BBS9: variants seen among roughly 807,000 people sequenced by gnomAD.
The protein encoded by BBS9 is Bardet-Biedl syndrome 9.
A neutral mutation model predicts 117.7 loss-of-function variants in BBS9; 89 were observed. The ratio of observed to expected loss-of-function variants is 0.76; its 90% CI spans 0.64 to 0.90. BBS9 has a LOEUF of 0.90. Among genes scored for constraint, BBS9 ranks in the 40% least tolerant of loss-of-function variants. The probability of loss-of-function intolerance (pLI) is 0.00; values close to 1 mark genes in which losing one functional copy is unlikely to be tolerated. For synonymous variants in BBS9, 379 were observed against 370.9 expected (o/e 1.02, Z -0.25); for missense variants, 982 against 1,042.2 (o/e 0.94, Z 0.80).
downstream of BBS9, among the ~76,000 whole-genome samples, chr7:33,609,667 T>C (rs1864762483): frequency 6.6e-6 from 1 of 152,244 alleles, no homozygotes; most frequent in Admixed American, 6.5e-5. Context: ...ACGTCAGATT[T>C]CATATGTTTC....
At chr7:33,454,637 G>T (rs751948065) in intron 19 of BBS9, among the ~76,000 whole-genome samples, 3 of 152,150 alleles carry the variant, frequency 2.0e-5, no homozygotes, top group Non-Finnish European at 4.4e-5. Context: ...GATTCATTTC[G>T]AGACCTGGGG....
intron 9 of BBS9, among the ~76,000 whole-genome samples, chr7:33,287,566 G>A (rs1416042681): frequency 2.0e-5 from 3 of 152,154 alleles, no homozygotes; most frequent in Non-Finnish European, 2.9e-5. Flanking sequence ...AACAGAACCT[G>A]CCAGTTAACA....
At chr7:33,322,941 A>C (rs780528000) in intron 9 of BBS9, among the ~76,000 whole-genome samples, 2 of 152,100 alleles carry the variant, frequency 1.3e-5, no homozygotes, top group Non-Finnish European at 2.9e-5. Flanking sequence ...CATTTCCATT[A>C]TCGTTTATTT....
chr7:33,454,562 G>C (rs1451420863), intron 19 of BBS9, among the ~76,000 whole-genome samples: 1 of 152,224 alleles, frequency 6.6e-6, no homozygotes, highest in Middle Eastern at 3.2e-3. Flanking sequence ...AGTGGCTTAG[G>C]CCAAGTTCCT....
At chr7:33,488,102 T>C (rs1843364199) in intron 19 of BBS9, among the ~76,000 whole-genome samples, 1 of 152,152 alleles carries the variant, frequency 6.6e-6, no homozygotes, top group Non-Finnish European at 1.5e-5. Flanking sequence ...AGCTTCAAGC[T>C]CTCCTCTTCT....
chr7:33,243,747 A>G (rs1794901957), intron 5 of BBS9, among the ~76,000 whole-genome samples: 1 of 152,162 alleles, frequency 6.6e-6, no homozygotes, highest in Non-Finnish European at 1.5e-5. Context: ...TTACTATCCT[A>G]TGTTAAAGTT....
At position 33,222,952 on chromosome 7, in the gene BBS9, C is replaced by CA. The variant is rs1417016025; in HGVS notation, c.443-34270dup. 6.3e-3 allele frequency among the ~76,000 whole-genome samples: 786 copies of CA among 125,468 alleles called. 5 individuals carry two copies. The highest frequency in any genetic ancestry group is 0.022 in the East Asian group (97 of 4,328). 82.3% of individuals were successfully genotyped at this position (125,468 alleles called of 152,430 possible). ...TGGGCAACAGAGCAAGACCCTGTCT[C>CA]AAAAAAAAAAAAAAGAAATTAAAAA... On this transcript the variant is annotated intron_variant, in intron 5 of 22. Coordinates refer to ENST00000242067, the MANE Select transcript of BBS9 (RefSeq NM_198428.3).
chr7:33,228,892 A>G (rs1284778795), intron 5 of BBS9, among the ~76,000 whole-genome samples: 2 of 152,122 alleles, frequency 1.3e-5, no homozygotes, highest in African/African-American at 4.8e-5. Flanking sequence ...TCCACGTATA[A>G]GGGGACCCAC....
chr7:33,401,470 G>A (rs371347131), intron 19 of BBS9, among the ~76,000 whole-genome samples: 23 of 150,080 alleles, frequency 1.5e-4, no homozygotes, highest in African/African-American at 5.1e-4. Flanking sequence ...GCTACAGCTT[G>A]GAATTATACA....
At chr7:33,203,579 T>A (rs949665333) in intron 5 of BBS9, among the ~76,000 whole-genome samples, 1 of 152,178 alleles carries the variant, frequency 6.6e-6, no homozygotes, top group African/African-American at 2.4e-5. Context: ...ATTTTTAATG[T>A]ACCCTAGATA....
At chr7:33,454,050 T>C (rs1226934699) in intron 19 of BBS9, among the ~76,000 whole-genome samples, 2 of 152,140 alleles carry the variant, frequency 1.3e-5, no homozygotes, top group Non-Finnish European at 2.9e-5. Context: ...CTATACATGT[T>C]ACTCTGGATG....
intron 19 of BBS9, among the ~76,000 whole-genome samples, chr7:33,440,935 ACTTTG>A (rs1836072460): frequency 6.6e-6 from 1 of 152,162 alleles, no homozygotes; most frequent in Non-Finnish European, 1.5e-5. Context: ...AAATGTGAGA[ACTTTG>A]AAGGGTGATA....
In BBS9 at chr7:33,273,949, T is replaced by G; in HGVS notation, c.1009T>G (p.Cys337Gly). The part of the protein sequence containing the change: ...PHIPVAVRVG[C>G]LHDLKGVIVT... Reference sequence around the variant, plus strand: ...CATTCCTGTAGCAGTAAGAGTGGGCTGTTTGCAGTAAGTGATTTAATTTAA... The same window carrying G: ...CATTCCTGTAGCAGTAAGAGTGGGCGGTTTGCAGTAAGTGATTTAATTTAA... Residue 337 changes from cysteine to glycine, a missense_variant, in exon 9 of 23, where the codon TGT becomes GGT. Coordinates refer to ENST00000242067, the MANE Select transcript of BBS9 (RefSeq NM_198428.3). The G allele has an allele frequency of 6.2e-7, 1 of 1,613,768 alleles. No homozygotes were observed. Among genetic ancestry groups the G allele is most frequent in the Non-Finnish European group, 8.5e-7 (1 of 1,179,780 alleles).
At chr7:33,574,725 A>ACG (rs144503125) in intron 21 of BBS9, among the ~76,000 whole-genome samples, 163 of 125,892 alleles carry the variant, frequency 1.3e-3, no homozygotes, top group East Asian at 3.4e-3. Flanking sequence ...ACACACACAC[A>ACG]CGCGCACACA....
At chr7:33,140,175 C>T (rs542407023) in intron 1 of BBS9, among the ~76,000 whole-genome samples, 1 of 152,232 alleles carries the variant, frequency 6.6e-6, no homozygotes, top group South Asian at 2.1e-4. Context: ...CAGGCACCCG[C>T]CACCACACCC....
intron 5 of BBS9, among the ~76,000 whole-genome samples, chr7:33,243,827 TAGA>T (rs1794910530): frequency 6.6e-6 from 1 of 152,190 alleles, no homozygotes; most frequent in Non-Finnish European, 1.5e-5. Context: ...TTTATTCAGT[TAGA>T]GGACTACACT....
At chr7:33,270,733 T>C (rs1486578247) in intron 7 of BBS9, among the ~76,000 whole-genome samples, 1 of 152,166 alleles carries the variant, frequency 6.6e-6, no homozygotes, top group East Asian at 1.9e-4. Context: ...ACTTTATGAC[T>C]CATTGGCATC....
intron 16 of BBS9, 77 bp downstream of exon 16, chr7:33,358,072 A>T (rs1453030662): frequency 1.3e-6 from 2 of 1,510,198 alleles, no homozygotes; most frequent in Non-Finnish European, 1.8e-6. Flanking sequence ...TCAGCAGATA[A>T]TGATGGGGTA....
chr7:33,172,936 A>G (rs916611050), intron 4 of BBS9, among the ~76,000 whole-genome samples: 2 of 152,236 alleles, frequency 1.3e-5, no homozygotes, highest in Non-Finnish European at 2.9e-5. Flanking sequence ...CAATGGGAAG[A>G]GTTTCTAATA....
Sources: gnomAD v4.1 joint callset for allele counts (sites outside exome capture counted in the v4.1 genomes callset) on GRCh38, gnomAD v4.1.1 for gene constraint, MANE v1.5 for transcripts, NCBI Gene and HGNC (gene_info 2026-07-23, HGNC 2026-07-21) for gene names.